The following ZNF135 variants were observed in gnomAD, a reference collection of about 807,000 sequenced individuals.
ZNF135 encodes zinc finger protein 135 (clone pHZ-17).
ZNF135 carries 11 observed loss-of-function variants against 12.3 expected under a neutral mutation model. The ratio of observed to expected loss-of-function variants is 0.89; its 90% CI spans 0.56 to 1.48. The LOEUF (loss-of-function observed/expected upper bound fraction) is 1.48, where lower values mean the gene tolerates loss of function less well. ZNF135 is among the 40% of genes most tolerant of loss of function. The probability of loss-of-function intolerance (pLI) is 0.00; values close to 1 mark genes in which losing one functional copy is unlikely to be tolerated. For missense variants in ZNF135, 722 were observed against 815.7 expected (o/e 0.89, Z 1.40); for synonymous variants, 316 against 312.0 (o/e 1.01, Z -0.14).
At chr19:58,066,260 G>A (rs2074064051) in intron 4 of ZNF135, among the ~76,000 whole-genome samples, 1 of 152,218 alleles carries the variant, frequency 6.6e-6, no homozygotes, top group African/African-American at 2.4e-5. Flanking sequence ...AGCATATGCT[G>A]TCGGGAAGAA....
rs567396549 is a variant in ZNF135 at position 58,068,564 on chromosome 19, C to T, written c.*103C>T. The T allele has an allele frequency of 1.1e-5, 14 of 1,311,608 alleles. No individual in the cohort carries two copies. The East Asian group carries it at 2.9e-4, about 28-fold the overall frequency. 81.2% of individuals were successfully genotyped at this position (1,311,608 alleles called of 1,614,324 possible). A position where few individuals can be genotyped will look rare whatever the true frequency, so the allele number is the denominator to read the frequency against. On this transcript the variant is annotated 3_prime_UTR_variant, in exon 5 of 5. Coordinates refer to ENST00000313434, the MANE Select transcript of ZNF135 (RefSeq NM_001289401.2). ...CACATGAGAAACGTACATTCATACA[C>T]AAGCCTTTTCACACAGCACTCCCCT...
At position 58,060,587 on chromosome 19, in the gene ZNF135, A is replaced by AG. The variant is rs1217266006; in HGVS notation, c.33+557dup. 6.6e-6 allele frequency among the ~76,000 whole-genome samples: 1 copy of AG among 152,218 alleles called. No homozygotes were observed. Among genetic ancestry groups the AG allele is most frequent in the Non-Finnish European group, 1.5e-5 (1 of 68,040 alleles). On this transcript the variant is annotated intron_variant, in intron 2 of 4. Transcript: ENST00000313434. This position sits in a 1 kb window ranked among gnomAD's most constrained non-coding sequence, Gnocchi z 4.9. ...GCTTCCTCAGACGTCATGGAGGCCA[A>AG]GGGGGCGGAACTCGCCTTTTTATGA...
intron 4 of ZNF135, among the ~76,000 whole-genome samples, chr19:58,064,202 C>T (rs2074029897): frequency 6.6e-6 from 1 of 152,124 alleles, no homozygotes; most frequent in South Asian, 2.1e-4. Context: ...GGCCTGTCAC[C>T]AGAGTCCAGG....
chr19:58,061,813 C>A, intron 3 of ZNF135, 107 bp downstream of exon 3: 1 of 1,402,156 alleles, frequency 7.1e-7, no homozygotes, highest in Non-Finnish European at 9.5e-7. Context: ...ATGCCTGGGG[C>A]TGTATGTCTT....
At position 58,063,354 on chromosome 19, in the gene ZNF135, C is replaced by G; in HGVS notation, c.161-92C>G. 1 of 1,567,162 alleles carries G rather than the reference C, an allele frequency of 6.4e-7. No individual in the cohort carries two copies. The highest frequency in any genetic ancestry group is 1.2e-5 in the South Asian group (1 of 86,040). Reference sequence around the variant, plus strand: ...AAGTCACTCAGGGGTCCCCAGCCATCTGGGACCTGGAAGACCAAAGGTGGA... The same window carrying G: ...AAGTCACTCAGGGGTCCCCAGCCATGTGGGACCTGGAAGACCAAAGGTGGA... On this transcript the variant is annotated intron_variant, in intron 3 of 4. Coordinates refer to ENST00000313434, the MANE Select transcript of ZNF135 (RefSeq NM_001289401.2). The surrounding 1 kb of genome is among the most constrained non-coding windows in gnomAD (Gnocchi z 4.4).
rs558864007 is a variant in ZNF135, at chr19:58,063,128, T to C, written c.161-318T>C. ...ACCAAGACCAGCAGAAAAGACAGGA[T>C]CTGTGTCCCAGGGTTGTCCTGGTTT... On this transcript the variant is annotated intron_variant, in intron 3 of 4. Transcript: ENST00000313434. This position sits in a 1 kb window ranked among gnomAD's most constrained non-coding sequence, Gnocchi z 4.4. 6.6e-6 allele frequency among the ~76,000 whole-genome samples: 1 copy of C among 152,258 alleles called. No homozygotes were observed. Among genetic ancestry groups the C allele is most frequent in the East Asian group, 1.9e-4 (1 of 5,170 alleles).
At position 58,068,856 on chromosome 19, in the gene ZNF135, C is replaced by G. The variant is rs1338280086; in HGVS notation, c.*395C>G. ...AAATTGGTGAGAAACCCAACAAATG[C>G]CTTTCATATATACGAGAACCAAATG... On this transcript the variant is annotated 3_prime_UTR_variant, in exon 5 of 5. Transcript: ENST00000313434. The G allele has an allele frequency of 5.5e-6, 1 of 181,788 alleles. No homozygotes were observed. The highest frequency in any genetic ancestry group is 1.2e-5 in the Non-Finnish European group (1 of 85,158). 11.3% of individuals were successfully genotyped at this position (181,788 alleles called of 1,614,324 possible). A position where few individuals can be genotyped will look rare whatever the true frequency, so the allele number is the denominator to read the frequency against.
Position 58,063,399 on chromosome 19 carries a change from G to A in ZNF135, c.161-47G>A, listed in dbSNP as rs749597530. ...GGTGGAATGGGCTGAGGCTCAGGAA[G>A]GGTCCTGGGATACAAATGCTCACTC... On this transcript the variant is annotated intron_variant, in intron 3 of 4. Transcript: ENST00000313434. The surrounding 1 kb of genome is among the most constrained non-coding windows in gnomAD (Gnocchi z 4.4). 2 of 1,611,266 alleles carry A rather than the reference G, an allele frequency of 1.2e-6. No homozygotes were observed. The highest frequency in any genetic ancestry group is 1.1e-5 in the South Asian group (1 of 90,660).
chr19:58,060,687 G>A lies in ZNF135; in HGVS notation c.33+652G>A, dbSNP rs1182743211. On this transcript the variant is annotated intron_variant, in intron 2 of 4. Transcript: ENST00000313434. The surrounding 1 kb of genome is among the most constrained non-coding windows in gnomAD (Gnocchi z 4.9). ...GAATGTCAGAAAACCCGTACAAGGG[G>A]ACTGGTGCGATGGCTTGTAGCTGTA... 2.6e-5 allele frequency among the ~76,000 whole-genome samples: 4 copies of A among 152,180 alleles called. No homozygotes were observed. The highest frequency in any genetic ancestry group is 1.3e-4 in the Admixed American group (2 of 15,282).
At position 58,067,201 on chromosome 19, in the gene ZNF135, G is replaced by A; in HGVS notation, c.717G>A (p.Glu239=). Reference sequence around the variant, plus strand: ...AACACCACCGGACGCACACAGGAGAGAGACCTTACGAATGTCACGAATGCT... The same window carrying A: ...AACACCACCGGACGCACACAGGAGAAAGACCTTACGAATGTCACGAATGCT... The part of the protein sequence containing the change: ...LIEHHRTHTG[E]RPYECHECLK... Residue 239 remains glutamate (E), a synonymous_variant, in exon 5 of 5, where the codon GAG becomes GAA. Coordinates refer to ENST00000313434, the MANE Select transcript of ZNF135 (RefSeq NM_001289401.2). The A allele has an allele frequency of 6.2e-7, 1 of 1,614,100 alleles. No homozygotes were observed. Among genetic ancestry groups the A allele is most frequent in the South Asian group, 1.1e-5 (1 of 91,078 alleles).
In ZNF135 at chr19:58,069,299, A is replaced by G. The variant is rs907434450; in HGVS notation, c.*838A>G. 3.3e-5 allele frequency: 5 copies of G among 152,132 alleles called. No individual in the cohort carries two copies. Among genetic ancestry groups the G allele is most frequent in the African/African-American group, 9.7e-5 (4 of 41,424 alleles). The allele number at this position is 152,132 out of a possible 1,614,324, so 9.4% of individuals were successfully genotyped here. A position where few individuals can be genotyped will look rare whatever the true frequency, so the allele number is the denominator to read the frequency against. On this transcript the variant is annotated 3_prime_UTR_variant, in exon 5 of 5. Transcript: ENST00000313434. ...TTTTGCTGCTCTGTTCTCCCTCTAC[A>G]TTTCTCTGCAGAACTCGCGTTAGAA...
chr19:58,061,633 G>A lies in ZNF135; in HGVS notation c.87G>A (p.Gly29=), dbSNP rs777568005. The change falls in exon 3 of 5, where the codon GGG becomes GGA. Residue 29 remains glycine, a synonymous_variant. Transcript: ENST00000313434. The part of the protein sequence containing the change: ...VVVGFSQEEW[G]QLKPAQRTLY... ...TGGGCTTCAGCCAGGAGGAGTGGGG[G>A]CAGCTGAAGCCTGCCCAGAGGACCC... 12 of 1,613,522 alleles carry A rather than the reference G, an allele frequency of 7.4e-6. No homozygotes were observed. The East Asian group carries it at 1.1e-4, about 15-fold the overall frequency.
At chr19:58,064,889 C>CA (rs533295689) in intron 4 of ZNF135, among the ~76,000 whole-genome samples, 9 of 151,588 alleles carry the variant, frequency 5.9e-5, no homozygotes, top group Admixed American at 2.6e-4. Flanking sequence ...GACCATGTTT[C>CA]AAAAAAAACA....
In ZNF135 at chr19:58,069,185, C is replaced by T. The variant is rs2074128473; in HGVS notation, c.*724C>T. On this transcript the variant is annotated 3_prime_UTR_variant, in exon 5 of 5. Transcript: ENST00000313434. ...TCCCTGCATTATTTTTGCAATTAAT[C>T]TTTATATGCAATGAGATTGAAAAGC... 1 of 152,178 alleles carries T rather than the reference C, an allele frequency of 6.6e-6. No homozygotes were observed. The highest frequency in any genetic ancestry group is 1.5e-5 in the Non-Finnish European group (1 of 68,062). The allele number at this position is 152,178 out of a possible 1,614,324, so 9.4% of individuals were successfully genotyped here.
At position 58,065,715 on chromosome 19, in the gene ZNF135, G is replaced by A. The variant is rs1198801544; in HGVS notation, c.257-1026G>A. On this transcript the variant is annotated intron_variant, in intron 4 of 4. Transcript: ENST00000313434. This position sits in a 1 kb window ranked among gnomAD's most constrained non-coding sequence, Gnocchi z 4.0. ...TCTCTATCTTAATGTTAGCTGATTAGCAACCTTAATTCCTCCCTCCCATGT... is the reference window on the plus strand; with the variant it reads ...TCTCTATCTTAATGTTAGCTGATTAACAACCTTAATTCCTCCCTCCCATGT... Among the ~76,000 whole-genome samples the A allele has an allele frequency of 6.6e-6, 1 of 152,106 alleles. No homozygotes were observed. Among genetic ancestry groups the A allele is most frequent in the Non-Finnish European group, 1.5e-5 (1 of 68,028 alleles).
At chr19:58,061,751 G>T (rs371016413) in intron 3 of ZNF135, 45 bp downstream of exon 3, 1 of 1,559,094 alleles carries the variant, frequency 6.4e-7, no homozygotes, top group Non-Finnish European at 8.6e-7. Flanking sequence ...TCCCTGACAC[G>T]GATTCTGATT....
Position 58,068,676 on chromosome 19 carries a change from G to C in ZNF135, c.*215G>C, listed in dbSNP as rs1332736130. On this transcript the variant is annotated 3_prime_UTR_variant, in exon 5 of 5. Coordinates refer to ENST00000313434, the MANE Select transcript of ZNF135 (RefSeq NM_001289401.2). ...CATCCATCTCTGCATCCAAATAGTAGGGAAACGTGGAGATAATCAACACTC... is the reference window on the plus strand; with the variant it reads ...CATCCATCTCTGCATCCAAATAGTACGGAAACGTGGAGATAATCAACACTC... 3 of 563,200 alleles carry C rather than the reference G, an allele frequency of 5.3e-6. No individual in the cohort carries two copies. The highest frequency in any genetic ancestry group is 9.3e-6 in the Non-Finnish European group (3 of 323,412). 34.9% of individuals were successfully genotyped at this position (563,200 alleles called of 1,614,324 possible). A position where few individuals can be genotyped will look rare whatever the true frequency, so the allele number is the denominator to read the frequency against.
In ZNF135 at chr19:58,067,073, G is replaced by T. The variant is rs148932599; in HGVS notation, c.589G>T (p.Glu197Ter). The T allele has an allele frequency of 2.1e-4, 340 of 1,614,220 alleles. No homozygotes were observed. The African/African-American group carries it at 4.3e-3, about 20-fold the overall frequency. Residue 197 changes from glutamate (E) to a stop codon, truncating the protein, a stop_gained, in exon 5 of 5, where the codon GAG becomes TAG. Coordinates refer to ENST00000313434, the MANE Select transcript of ZNF135 (RefSeq NM_001289401.2). LOFTEE classifies it low-confidence loss of function (END_TRUNC). ...PHTWGTRGKR[E>*]KPDLNVLQKT... The stretch of plus-strand genomic sequence containing the variant: ...CACATGGGGAACACGTGGAAAAAGG[G>T]AGAAGCCAGACCTAAATGTTTTACA...
chr19:58,062,263 A>G (rs1007221863), intron 3 of ZNF135, among the ~76,000 whole-genome samples: 1 of 152,198 alleles, frequency 6.6e-6, no homozygotes, highest in African/African-American at 2.4e-5. Context: ...CACTGATCCC[A>G]TTCATGAGTG....
Sources: allele counts gnomAD v4.1 joint callset (sites outside exome capture counted in the v4.1 genomes callset), GRCh38; gene constraint gnomAD v4.1.1; non-coding constraint Gnocchi (gnomAD v3.1); transcripts MANE v1.5; gene names NCBI Gene and HGNC (gene_info 2026-07-23, HGNC 2026-07-21).